SEMA3D: variants seen among roughly 807,000 people sequenced by gnomAD.
SEMA3D encodes the protein semaphorin 3D, also known as semaphorin-3D.
Under a neutral mutation model 100.1 loss-of-function variants are expected in SEMA3D, and 84 were observed. That is an observed-to-expected ratio of 0.84 (90% confidence interval 0.70 to 1.01). SEMA3D has a LOEUF of 1.01. SEMA3D is among the 50% of genes least tolerant of loss of function. SEMA3D has a pLI of 0.00. For synonymous variants in SEMA3D, 312 were observed against 320.7 expected (o/e 0.97, Z 0.29); for missense variants, 875 against 934.1 (o/e 0.94, Z 0.82).
the SEMA3D span, among the ~76,000 whole-genome samples, chr7:85,200,734 G>C: frequency 6.6e-6 from 1 of 152,176 alleles, no homozygotes; most frequent in Admixed American, 6.5e-5. Context: ...ATGTCTCCAG[G>C]GCATGATAGA....
intron 3 of SEMA3D, among the ~76,000 whole-genome samples, chr7:85,104,804 G>GAAAA (rs947830084): frequency 1.4e-4 from 21 of 150,952 alleles, no homozygotes; most frequent in African/African-American, 4.6e-4. Context: ...GAAAAGAAAA[G>GAAAA]AAAAAAAATG....
At chr7:85,187,827 AG>A (rs1052459349), upstream of SEMA3D, among the ~76,000 whole-genome samples, 7 of 152,218 alleles carry the variant, frequency 4.6e-5, no homozygotes, top group African/African-American at 1.7e-4. Context: ...AGAGTTCATG[AG>A]GCCACCGTCA....
chr7:85,140,687 G>A (rs2116460410), intron 2 of SEMA3D: 8 of 980,760 alleles, frequency 8.2e-6, no homozygotes, highest in Non-Finnish European at 9.7e-6. Flanking sequence ...CTTCTGTTAA[G>A]GAGTCATTAT....
chr7:85,121,531 T>C (rs1789412608), intron 3 of SEMA3D, among the ~76,000 whole-genome samples: 1 of 152,196 alleles, frequency 6.6e-6, no homozygotes, highest in African/African-American at 2.4e-5. Context: ...TTATAAATAC[T>C]GGGCTGAAAA....
chr7:85,245,585 T>C, the SEMA3D span, among the ~76,000 whole-genome samples: 1 of 152,178 alleles, frequency 6.6e-6, no homozygotes, highest in African/African-American at 2.4e-5. Context: ...CCATCCTCAG[T>C]ATACACATGA....
At chr7:85,139,080 A>G (rs1789967360) in intron 2 of SEMA3D, among the ~76,000 whole-genome samples, 1 of 152,124 alleles carries the variant, frequency 6.6e-6, no homozygotes, top group Non-Finnish European at 1.5e-5. Context: ...CCAAGGGAAG[A>G]AATTCAGATA....
intron 2 of SEMA3D, among the ~76,000 whole-genome samples, chr7:85,138,681 T>C (rs1789942230): frequency 6.7e-6 from 1 of 148,168 alleles, no homozygotes; most frequent in Non-Finnish European, 1.5e-5. Context: ...TAAATATATA[T>C]AATTTAAGTT....
At chr7:85,241,112 C>T in the SEMA3D span, among the ~76,000 whole-genome samples, 2,904 of 151,780 alleles carry the variant, frequency 0.019, 101 homozygotes, top group African/African-American at 0.067. Context: ...AAAACCACAA[C>T]GAAATACCAC....
At chr7:85,120,324 T>G (rs1371162344) in intron 3 of SEMA3D, among the ~76,000 whole-genome samples, 1 of 152,026 alleles carries the variant, frequency 6.6e-6, no homozygotes, top group East Asian at 1.9e-4. Context: ...TGACAGAAAA[T>G]TGAATATATC....
rs2115853645 is a variant in SEMA3D at position 85,022,562 on chromosome 7, C to G, written c.1243G>C (p.Asp415His). Residue 415 changes from aspartate (D) to histidine (H), a missense_variant, in exon 13 of 19, where the codon GAT (aspartate) becomes CAT (histidine). Asp to His is a moderately conservative substitution (Grantham distance 81). Coordinates refer to ENST00000284136, the MANE Select transcript of SEMA3D (RefSeq NM_001384900.1). ...CGCTTTATGAAACTGATGACATCATCTGGAAAATCTCGGGTGGACTTAATC... is the reference window on the plus strand; with the variant it reads ...CGCTTTATGAAACTGATGACATCATGTGGAAAATCTCGGGTGGACTTAATC... ...PLIKSTRDFP[D>H]DVISFIKRHS... is the part of the protein sequence containing the mutation. The G allele has an allele frequency of 6.2e-7, 1 of 1,612,512 alleles. No homozygotes were observed. The highest frequency in any genetic ancestry group is 2.2e-5 in the East Asian group (1 of 44,798).
chr7:85,115,199 C>G (rs933499477), intron 3 of SEMA3D, among the ~76,000 whole-genome samples: 4 of 152,122 alleles, frequency 2.6e-5, no homozygotes, highest in Non-Finnish European at 5.9e-5. Flanking sequence ...CTACAGTGAG[C>G]AAGACAGGGC....
chr7:85,132,308 C>A (rs1311854395), intron 2 of SEMA3D, among the ~76,000 whole-genome samples: 1 of 151,786 alleles, frequency 6.6e-6, no homozygotes, highest in Non-Finnish European at 1.5e-5. Context: ...AGCAATGTCT[C>A]CTAACTTAAA....
At chr7:85,152,147 G>A (rs757686792) in intron 2 of SEMA3D, among the ~76,000 whole-genome samples, 1 of 151,428 alleles carries the variant, frequency 6.6e-6, no homozygotes, top group Admixed American at 6.6e-5. Flanking sequence ...ATATTTCTTT[G>A]TTCAGAGTGA....
chr7:85,012,729 G>T, intron 17 of SEMA3D, 53 bp downstream of exon 17: 2 of 1,317,416 alleles, frequency 1.5e-6, no homozygotes, highest in African/African-American at 1.4e-5. Flanking sequence ...AAGATACAAA[G>T]AGTGGGCTTA....
chr7:85,042,017 C>T (rs899505429), intron 10 of SEMA3D, 154 bp downstream of exon 10: 7 of 650,670 alleles, frequency 1.1e-5, no homozygotes, highest in Admixed American at 2.6e-5. Context: ...AGAGCACTTC[C>T]GTGTACTTTG....
intron 2 of SEMA3D, chr7:85,142,029 G>C: frequency 2.0e-6 from 2 of 982,298 alleles, no homozygotes; most frequent in Non-Finnish European, 2.4e-6. Flanking sequence ...TTAATAGCCA[G>C]CAAAATAGAA....
chr7:84,999,090 T>G lies in SEMA3D; in HGVS notation c.*350A>C. ...GGTAAATTCCATGCTTAATGGACAT[T>G]CGAGGGAATAAAGCACCTTATACAC... On this transcript the variant is annotated 3_prime_UTR_variant, in exon 19 of 19. Coordinates refer to ENST00000284136, the MANE Select transcript of SEMA3D (RefSeq NM_001384900.1). 1 of 236,790 alleles carries G rather than the reference T, an allele frequency of 4.2e-6. No individual in the cohort carries two copies. The highest frequency in any genetic ancestry group is 2.3e-5 in the African/African-American group (1 of 44,176). The allele number at this position is 236,790 out of a possible 1,614,324, so 14.7% of individuals were successfully genotyped here. A position where few individuals can be genotyped will look rare whatever the true frequency, so the allele number is the denominator to read the frequency against.
At chr7:85,066,422 T>G (rs1227647977) in intron 7 of SEMA3D, among the ~76,000 whole-genome samples, 1 of 140,550 alleles carries the variant, frequency 7.1e-6, no homozygotes, top group Non-Finnish European at 1.5e-5. Flanking sequence ...AGGAAGAGGA[T>G]GGAAAGAAGG....
chr7:85,033,377 T>C (rs527463990), intron 12 of SEMA3D, among the ~76,000 whole-genome samples: 222 of 152,240 alleles, frequency 1.5e-3, no homozygotes, highest in African/African-American at 5.0e-3. Context: ...AGGACAGTCA[T>C]GTAAAACGTG....
Sources: gnomAD v4.1 joint callset for allele counts (sites outside exome capture counted in the v4.1 genomes callset) on GRCh38, gnomAD v4.1.1 for gene constraint, MANE v1.5 for transcripts, NCBI Gene and HGNC (gene_info 2026-07-23, HGNC 2026-07-21) for gene names.